SLC14A2: variants seen among roughly 807,000 people sequenced by gnomAD.
SLC14A2 encodes urea transporter 2.
In SLC14A2, 91 loss-of-function variants were observed where a neutral mutation model predicts 104.6. That is an observed-to-expected ratio of 0.87 (90% CI 0.73 to 1.04). The LOEUF is 1.04. Ranked by LOEUF, SLC14A2 falls within the 50% of genes least tolerant of loss-of-function variation. The pLI is 0.00. For missense variants in SLC14A2, 1,189 were observed against 1,156.0 expected (o/e 1.03, Z -0.41); for synonymous variants, 476 against 466.4 (o/e 1.02, Z -0.27).
intron 1 of SLC14A2, chr18:45,482,495 A>T (rs752482239): frequency 6.6e-6 from 1 of 152,146 alleles, no homozygotes; most frequent in Non-Finnish European, 1.5e-5. Context: ...AGCTACAATC[A>T]CCTCAAGGCT....
In SLC14A2 at chr18:45,227,081, T is replaced by A. The variant is rs575965650; in HGVS notation, c.-125+13890T>A. Among the ~76,000 whole-genome samples the A allele has an allele frequency of 1.1e-4, 16 of 152,264 alleles. No individual in the cohort carries two copies. In the East Asian group the frequency reaches 3.1e-3, roughly 29 times the overall value. ...GAGAAAAAGTTGGTGCCAGCACTAT[T>A]CATCATCATTTAGCAGGAAAGTAAA... On this transcript the variant is annotated intron_variant, in intron 1 of 20. Coordinates refer to the SLC14A2 transcript ENST00000586448.
intron 11 of SLC14A2, among the ~76,000 whole-genome samples, chr18:45,665,688 CTTTTTTTTTT>C (rs146248418): frequency 1.6e-4 from 13 of 79,294 alleles, no homozygotes; most frequent in African/African-American, 3.3e-4. Flanking sequence ...AACCAAGTTT[CTTTTTTTTTT>C]TTTTTTTTTT....
intron 1 of SLC14A2, among the ~76,000 whole-genome samples, chr18:45,387,599 A>G (rs1256863300): frequency 1.3e-5 from 2 of 152,220 alleles, no homozygotes; most frequent in East Asian, 3.8e-4. Context: ...TTTGAAATAC[A>G]TATCCAGATC....
chr18:45,430,825 G>A (rs1266105784), intron 1 of SLC14A2, among the ~76,000 whole-genome samples: 1 of 152,110 alleles, frequency 6.6e-6, no homozygotes, highest in Non-Finnish European at 1.5e-5. Flanking sequence ...CACATGGTGG[G>A]AAGAAGGGAG....
At chr18:45,546,444 T>C (rs1200557456) in intron 2 of SLC14A2, among the ~76,000 whole-genome samples, 1 of 152,248 alleles carries the variant, frequency 6.6e-6, no homozygotes, top group Admixed American at 6.5e-5. Flanking sequence ...ATTGAATCTC[T>C]AGAGACACTG....
chr18:45,233,898 T>C (rs969411571), intron 1 of SLC14A2, among the ~76,000 whole-genome samples: 25 of 151,968 alleles, frequency 1.6e-4, no homozygotes, highest in African/African-American at 5.5e-4. Flanking sequence ...TCTGTGTTTT[T>C]TTGGGCAAGG....
intron 2 of SLC14A2, among the ~76,000 whole-genome samples, chr18:45,596,236 T>A (rs544002853): frequency 4.8e-4 from 73 of 152,290 alleles, no homozygotes; most frequent in African/African-American, 1.7e-3. Flanking sequence ...GCTCTAAGTT[T>A]GAAATACTAT....
At chr18:45,257,180 A>G (rs2084488005) in intron 1 of SLC14A2, among the ~76,000 whole-genome samples, 1 of 152,150 alleles carries the variant, frequency 6.6e-6, no homozygotes. Flanking sequence ...TTAGTGACAC[A>G]TTTTCAAAGA....
chr18:45,499,398 G>A (rs997368062), intron 2 of SLC14A2, among the ~76,000 whole-genome samples: 2 of 152,128 alleles, frequency 1.3e-5, no homozygotes, highest in South Asian at 2.1e-4. Context: ...GTGAGTGCTC[G>A]ACATTCAGAG....
chr18:45,256,051 A>G (rs1161071879), intron 1 of SLC14A2, among the ~76,000 whole-genome samples: 1 of 152,192 alleles, frequency 6.6e-6, no homozygotes, highest in African/African-American at 2.4e-5. Context: ...GCCCACTGAC[A>G]AGCTGGGTTA....
At chr18:45,535,613 G>T (rs1390151799) in intron 2 of SLC14A2, among the ~76,000 whole-genome samples, 1 of 152,174 alleles carries the variant, frequency 6.6e-6, no homozygotes, top group African/African-American at 2.4e-5. Flanking sequence ...TCCAGAGTTA[G>T]CAGAGACTGT....
chr18:45,499,746 T>C (rs1278528109), intron 2 of SLC14A2, among the ~76,000 whole-genome samples: 1 of 152,162 alleles, frequency 6.6e-6, no homozygotes, highest in Non-Finnish European at 1.5e-5. Flanking sequence ...GGGCACCACA[T>C]TGTGATTTGA....
intron 2 of SLC14A2, among the ~76,000 whole-genome samples, chr18:45,564,590 G>A (rs1268386321): frequency 1.3e-5 from 2 of 152,324 alleles, no homozygotes; most frequent in South Asian, 4.1e-4. Context: ...AGTTTTCAAA[G>A]TGGCAGCATC....
chr18:45,376,468 G>C (rs1267567705), intron 1 of SLC14A2, among the ~76,000 whole-genome samples: 2 of 152,118 alleles, frequency 1.3e-5, no homozygotes, highest in Non-Finnish European at 2.9e-5. Flanking sequence ...ATATCTGCTT[G>C]TGCTCAGATT....
At chr18:45,257,198 G>A (rs1220905877) in intron 1 of SLC14A2, among the ~76,000 whole-genome samples, 1 of 152,238 alleles carries the variant, frequency 6.6e-6, no homozygotes, top group Non-Finnish European at 1.5e-5. Context: ...AGAGATGGAA[G>A]TGAACATTAA....
At chr18:45,266,334 C>T (rs570056680) in intron 1 of SLC14A2, among the ~76,000 whole-genome samples, 122 of 152,232 alleles carry the variant, frequency 8.0e-4, no homozygotes, top group African/African-American at 2.7e-3. Context: ...TCAATTCTGA[C>T]GGGTTCCTCT....
At chr18:45,409,468 T>C (rs1218570217) in intron 1 of SLC14A2, among the ~76,000 whole-genome samples, 1 of 152,216 alleles carries the variant, frequency 6.6e-6, no homozygotes, top group Admixed American at 6.5e-5. Context: ...AAGCAAGATA[T>C]TTATTAGCAA....
chr18:45,359,903 A>G (rs1050515842), intron 1 of SLC14A2, among the ~76,000 whole-genome samples: 1 of 152,146 alleles, frequency 6.6e-6, no homozygotes, highest in Non-Finnish European at 1.5e-5. Flanking sequence ...CTATATGGTA[A>G]AGTTCACATT....
intron 1 of SLC14A2, among the ~76,000 whole-genome samples, chr18:45,279,785 T>TA (rs2084742710): frequency 6.6e-6 from 1 of 151,902 alleles, no homozygotes; most frequent in Non-Finnish European, 1.5e-5. Flanking sequence ...CTCACATACA[T>TA]AAAAAACACA....
Sources: allele counts gnomAD v4.1 joint callset (sites outside exome capture counted in the v4.1 genomes callset), GRCh38; gene constraint gnomAD v4.1.1; transcripts MANE v1.5; gene names NCBI Gene and HGNC (gene_info 2026-07-23, HGNC 2026-07-21).